Variants in ADAM32 observed in about 807,000 individuals in gnomAD.
The protein encoded by ADAM32 is disintegrin and metalloproteinase domain-containing protein 32.
A neutral mutation model predicts 114.9 loss-of-function variants in ADAM32; 89 were observed. The observed-to-expected ratio is 0.77, with a 90% CI of 0.65 to 0.92. The LOEUF (loss-of-function observed/expected upper bound fraction) is 0.92, where lower values mean the gene tolerates loss of function less well. Among genes scored for constraint, ADAM32 ranks in the 40% least tolerant of loss-of-function variants. The probability of loss-of-function intolerance (pLI) is 0.00; values close to 1 mark genes in which losing one functional copy is unlikely to be tolerated. For synonymous variants in ADAM32, 285 were observed against 307.5 expected, an observed-to-expected ratio of 0.93 and a Z score of 0.77; for missense variants, 870 against 932.8, an observed-to-expected ratio of 0.93 and a Z score of 0.88.
At chr8:39,205,055 G>A (rs1303671723) in intron 11 of ADAM32, among the ~76,000 whole-genome samples, 2 of 152,220 alleles carry the variant, frequency 1.3e-5, no homozygotes, top group African/African-American at 2.4e-5. Context: ...GTGCCTCCCA[G>A]TTAGGCTACT....
intron 14 of ADAM32, chr8:39,224,262 A>G (rs1226754739): frequency 6.6e-6 from 1 of 152,176 alleles, no homozygotes; most frequent in Non-Finnish European, 1.5e-5. Flanking sequence ...CTCTTTTGCA[A>G]TATTGATTCA....
At chr8:39,252,989 A>G (rs138520373) in intron 17 of ADAM32, among the ~76,000 whole-genome samples, 5 of 151,820 alleles carry the variant, frequency 3.3e-5, no homozygotes, top group African/African-American at 1.2e-4. Context: ...TTACAGAAGA[A>G]TTAAACAAGA....
At chr8:39,257,596 G>A (rs932606036) in intron 19 of ADAM32, among the ~76,000 whole-genome samples, 24 of 80,022 alleles carry the variant, frequency 3.0e-4, no homozygotes, top group Middle Eastern at 5.4e-3. Flanking sequence ...AAATGTTTAC[G>A]TAATATCTGT....
At chr8:39,226,585 A>T (rs765027955) in intron 14 of ADAM32, among the ~76,000 whole-genome samples, 6 of 152,160 alleles carry the variant, frequency 3.9e-5, no homozygotes, top group Non-Finnish European at 8.8e-5. Context: ...GGATTTTCTC[A>T]GCAGATACTT....
intron 6 of ADAM32, 61 bp from the exon 7 acceptor site, chr8:39,160,836 A>G (rs1804461277): frequency 7.2e-7 from 1 of 1,381,130 alleles, no homozygotes; most frequent in Non-Finnish European, 9.9e-7. Flanking sequence ...TTTAAAGAAG[A>G]GTTCAAGTAA....
At chr8:39,277,387 G>A (rs1379439476) in intron 22 of ADAM32, among the ~76,000 whole-genome samples, 1 of 152,226 alleles carries the variant, frequency 6.6e-6, no homozygotes, top group Non-Finnish European at 1.5e-5. Context: ...CTGTGCTTTA[G>A]TGATATAACA....
chr8:39,182,041 TGAG>T (rs1196284121), intron 10 of ADAM32, among the ~76,000 whole-genome samples: 1 of 152,188 alleles, frequency 6.6e-6, no homozygotes, highest in Non-Finnish European at 1.5e-5. Flanking sequence ...ACGACAAAGT[TGAG>T]GGACATATTA....
At chr8:39,229,094 T>C (rs1025503366) in intron 14 of ADAM32, among the ~76,000 whole-genome samples, 6 of 152,068 alleles carry the variant, frequency 3.9e-5, no homozygotes, top group African/African-American at 1.4e-4. Flanking sequence ...GCATCATATG[T>C]GAAGGAAAGA....
intron 3 of ADAM32, among the ~76,000 whole-genome samples, chr8:39,146,044 T>C (rs1161388280): frequency 6.6e-6 from 1 of 152,116 alleles, no homozygotes; most frequent in Non-Finnish European, 1.5e-5. Context: ...TTCAGAGTAT[T>C]TTTACTTGAC....
chr8:39,147,771 C>T (rs1415466958), intron 4 of ADAM32, among the ~76,000 whole-genome samples: 1 of 151,786 alleles, frequency 6.6e-6, no homozygotes, highest in Non-Finnish European at 1.5e-5. Context: ...TTATTTATCC[C>T]TTTATTTTAT....
intron 12 of ADAM32, chr8:39,221,112 A>G (rs2129448781): frequency 6.6e-6 from 1 of 152,268 alleles, no homozygotes; most frequent in East Asian, 1.9e-4. Flanking sequence ...CTGTATTTAG[A>G]ATTATTATAT....
At chr8:39,138,269 AC>A (rs1276864706) in intron 3 of ADAM32, among the ~76,000 whole-genome samples, 4 of 150,792 alleles carry the variant, frequency 2.7e-5, no homozygotes, top group South Asian at 2.1e-4. Flanking sequence ...GGTTTGCTGC[AC>A]CCATCAACTT....
Position 39,136,700 on chromosome 8 carries a change from CTG to C in ADAM32, c.185_186del (p.Val62AlafsTer3). ...ATTCCAATAGATGAGAAACTGTACA[CTG>C]TGCACCTTAAACAAAGGTAAATTTT... On this transcript the variant is annotated frameshift_variant, in exon 3 of 25. Coordinates refer to ENST00000379907, the MANE Select transcript of ADAM32 (RefSeq NM_145004.7). LOFTEE classifies it high-confidence loss of function. 1 of 1,537,116 alleles carries C rather than the reference CTG, an allele frequency of 6.5e-7. No individual in the cohort carries two copies. Among genetic ancestry groups the C allele is most frequent in the South Asian group, 1.3e-5 (1 of 79,892 alleles).
chr8:39,129,754 C>T (rs2129444772), intron 2 of ADAM32: 5 of 228,508 alleles, frequency 2.2e-5, no homozygotes, highest in East Asian at 1.1e-4. Context: ...ATATTATTTC[C>T]TTAAACATTT....
chr8:39,244,418 C>T (rs1014114049), intron 16 of ADAM32, among the ~76,000 whole-genome samples: 1 of 152,156 alleles, frequency 6.6e-6, no homozygotes, highest in East Asian at 1.9e-4. Context: ...GCTATAATCA[C>T]CAGAACAGCA....
intron 11 of ADAM32, among the ~76,000 whole-genome samples, chr8:39,194,425 G>A (rs369419481): frequency 6.6e-6 from 1 of 152,256 alleles, no homozygotes; most frequent in Admixed American, 6.5e-5. Context: ...TGAACTGACG[G>A]GGAAGGGGAG....
intron 11 of ADAM32, among the ~76,000 whole-genome samples, chr8:39,187,248 A>G (rs932388183): frequency 2.0e-5 from 3 of 151,996 alleles, no homozygotes; most frequent in African/African-American, 7.2e-5. Context: ...TGAAAGATAT[A>G]TTAGCAAAAG....
chr8:39,148,028 C>T (rs1399737287), intron 4 of ADAM32, among the ~76,000 whole-genome samples: 1 of 152,090 alleles, frequency 6.6e-6, no homozygotes, highest in Non-Finnish European at 1.5e-5. Flanking sequence ...ATCCACCTGC[C>T]TTGGCCTCCC....
chr8:39,240,558 C>T (rs770842918), intron 16 of ADAM32, among the ~76,000 whole-genome samples: 1 of 152,166 alleles, frequency 6.6e-6, no homozygotes, highest in Non-Finnish European at 1.5e-5. Flanking sequence ...TGAGACTGGG[C>T]AATTTACAAA....
Sources: allele counts gnomAD v4.1 joint callset (sites outside exome capture counted in the v4.1 genomes callset), GRCh38; gene constraint gnomAD v4.1.1; transcripts MANE v1.5; gene names NCBI Gene and HGNC (gene_info 2026-07-23, HGNC 2026-07-21).